TTLL3: variants seen among roughly 807,000 people sequenced by gnomAD.
TTLL3 encodes tubulin tyrosine ligase like 3.
Under a neutral mutation model 75.2 loss-of-function variants are expected in TTLL3, and 63 were observed. The ratio of observed to expected loss-of-function variants is 0.84; its 90% CI spans 0.68 to 1.03. The LOEUF (loss-of-function observed/expected upper bound fraction) is 1.03. TTLL3 is among the 50% of genes least tolerant of loss of function. The pLI is 0.00. For missense variants in TTLL3, 997 were observed against 1,069.9 expected (o/e 0.93, Z 0.95); for synonymous variants, 393 against 418.5 (o/e 0.94, Z 0.74).
intron 4 of TTLL3, among the ~76,000 whole-genome samples, chr3:9,815,366 A>G (rs942342675): frequency 6.6e-6 from 1 of 152,158 alleles, no homozygotes; most frequent in Non-Finnish European, 1.5e-5. Context: ...CCTCATCTGT[A>G]AAACAGAGAT....
At chr3:9,823,278 G>A (rs189787379) in intron 8 of TTLL3, among the ~76,000 whole-genome samples, 1,780 of 152,154 alleles carry the variant, frequency 0.012, 14 homozygotes, top group Non-Finnish European at 0.019. Context: ...TAGCTACTCG[G>A]GAGGCTGAGG....
rs201524752 is a variant in TTLL3 at position 9,818,845 on chromosome 3, C to T, written c.583C>T (p.Arg195Cys). 8.2e-5 allele frequency: 133 copies of T among 1,614,084 alleles called. No individual in the cohort carries two copies. In the African/African-American group the frequency reaches 1.2e-3, roughly 15 times the overall value. Residue 195 changes from arginine (R) to cysteine (C), a missense_variant, in exon 7 of 14, where the codon CGC (arginine) becomes TGC (cysteine). By Grantham distance (180) the Arg-to-Cys change is radical (BLOSUM62 -3). Transcript: ENST00000685419. The stretch of plus-strand genomic sequence containing the variant: ...AGAGGACTTCTGGCTGACTGCTGCC[C>T]GCAACGTTCTCAAGCTGGTGGTGAA... Reference protein sequence around the residue: ...FIEDFWLTAARNVLKLVVKSE... With the variant: ...FIEDFWLTAACNVLKLVVKSE...
intron 9 of TTLL3, among the ~76,000 whole-genome samples, chr3:9,826,725 CAAAAAAAAAAAAA>C (rs36060940): frequency 5.3e-5 from 4 of 75,240 alleles, no homozygotes; most frequent in Admixed American, 3.1e-4. Flanking sequence ...AGGGCTGTCT[CAAAAAAAAAAAAA>C]AAAAAAAAAA....
chr3:9,835,166 C>A lies in TTLL3; in HGVS notation c.2125C>A (p.Gln709Lys), dbSNP rs1257343157. The A allele has an allele frequency of 1.2e-6, 2 of 1,614,098 alleles. No individual in the cohort carries two copies. Among genetic ancestry groups the A allele is most frequent in the Middle Eastern group, 1.6e-4 (1 of 6,084 alleles). ...TTGCCTCTGCCCTTTGAAGTCGGAA[C>A]AATTCCTAGCACCTGTCGGAAGGTC... ...PCCLCPLKSE[Q>K]FLAPVGRSRP... The change falls in exon 14 of 14, where the codon CAA (glutamine) becomes AAA (lysine). Residue 709 changes from glutamine (Q) to lysine (K), a missense_variant. Physicochemically the swap from Gln to Lys is moderately conservative, Grantham distance 53 (BLOSUM62 1). Transcript: ENST00000685419.
intron 5 of TTLL3, 71 bp downstream of exon 5, chr3:9,816,273 G>C: frequency 7.8e-7 from 1 of 1,290,150 alleles, no homozygotes; most frequent in Non-Finnish European, 1.0e-6. Context: ...TCTCCTCCCT[G>C]CTCACCTTGT....
At position 9,810,386 on chromosome 3, in the gene TTLL3, C is replaced by T. The variant is rs1030977001; in HGVS notation, c.-50C>T. On this transcript the variant is annotated 5_prime_UTR_variant, in exon 1 of 14. Coordinates refer to ENST00000685419, the MANE Select transcript of TTLL3 (RefSeq NM_001387446.1). This position sits in a 1 kb window ranked among gnomAD's most constrained non-coding sequence, Gnocchi z 4.4. ...CACACCCCGGTCCTCGACCCCTCTC[C>T]GCAGGATGGTGAGGCCCGTGCGGCC... is the stretch of plus-strand genomic sequence containing the variant. 24 of 1,414,480 alleles carry T rather than the reference C, an allele frequency of 1.7e-5. No individual in the cohort carries two copies. Among genetic ancestry groups the T allele is most frequent in the Middle Eastern group, 2.6e-4 (1 of 3,874 alleles). The allele number at this position is 1,414,480 out of a possible 1,614,324, so 87.6% of individuals were successfully genotyped here. A position where few individuals can be genotyped will look rare whatever the true frequency, so the allele number is the denominator to read the frequency against.
chr3:9,817,082 G>C (rs1028041519), intron 5 of TTLL3, among the ~76,000 whole-genome samples: 1 of 152,062 alleles, frequency 6.6e-6, no homozygotes. Context: ...CAGAGTGCTG[G>C]GATTATAGGT....
In TTLL3 at chr3:9,833,239, G is replaced by C; in HGVS notation, c.1819G>C (p.Gly607Arg). Residue 607 changes from glycine (G) to arginine (R), a missense_variant, in exon 12 of 14, where the codon GGG becomes CGG. By Grantham distance (125) the Gly-to-Arg change is moderately radical. Coordinates refer to ENST00000685419, the MANE Select transcript of TTLL3 (RefSeq NM_001387446.1). ...AVPLLTQRGS[G>R]EARHHFPSLH... ...CCCTCTGCTGACCCAGCGAGGCTCT[G>C]GGGAAGGCAAGGACTCGGGGACCCC... The C allele has an allele frequency of 3.7e-6, 6 of 1,613,928 alleles. No homozygotes were observed. Among genetic ancestry groups the C allele is most frequent in the Non-Finnish European group, 5.1e-6 (6 of 1,179,932 alleles).
intron 9 of TTLL3, 121 bp downstream of exon 9, chr3:9,826,069 C>G (rs1171767918): frequency 2.8e-6 from 4 of 1,448,128 alleles, no homozygotes; most frequent in South Asian, 2.8e-5. Context: ...AGTCCTAGCT[C>G]TGCTACTAAT....
intron 5 of TTLL3, among the ~76,000 whole-genome samples, chr3:9,817,160 C>A (rs1243727939): frequency 6.6e-6 from 1 of 152,084 alleles, no homozygotes; most frequent in African/African-American, 2.4e-5. Context: ...CACAGTGGCT[C>A]ACGCCTGTAA....
chr3:9,819,211 G>C, intron 7 of TTLL3: 1 of 422,028 alleles, frequency 2.4e-6, no homozygotes, highest in Non-Finnish European at 4.4e-6. Flanking sequence ...TCATCTACCT[G>C]ATGTCAGCTC....
chr3:9,835,835 G>A lies in TTLL3; in HGVS notation c.*346G>A. 3.9e-6 allele frequency: 1 copy of A among 259,640 alleles called. No individual in the cohort carries two copies. The highest frequency in any genetic ancestry group is 7.3e-6 in the Non-Finnish European group (1 of 137,254). 16.1% of individuals were successfully genotyped at this position (259,640 alleles called of 1,614,324 possible). On this transcript the variant is annotated 3_prime_UTR_variant, in exon 14 of 14. Transcript: ENST00000685419. ...GCCTTGCCTAAACCTCAGCCCTTCT[G>A]CAGAGGGCATGGGTCTATCCCTTCT...
chr3:9,828,751 G>A (rs565775536), intron 10 of TTLL3: 19 of 646,412 alleles, frequency 2.9e-5, no homozygotes, highest in Non-Finnish European at 5.0e-5. Context: ...CGCCCTCAGA[G>A]CAGCCCTGAG....
chr3:9,819,191 A>G (rs1164752823), intron 7 of TTLL3: 8 of 503,944 alleles, frequency 1.6e-5, no homozygotes, highest in African/African-American at 9.7e-5. Flanking sequence ...CCCATTGTTA[A>G]TCTCGTCATT....
chr3:9,828,876 G>A, intron 10 of TTLL3, 84 bp from the exon 11 acceptor site: 1 of 1,557,462 alleles, frequency 6.4e-7, no homozygotes. Flanking sequence ...GCCCAGGGCT[G>A]CTTCCAGGAC....
intron 12 of TTLL3, among the ~76,000 whole-genome samples, chr3:9,833,532 C>T (rs1324865712): frequency 6.6e-6 from 1 of 152,144 alleles, no homozygotes; most frequent in Admixed American, 6.5e-5. Context: ...ACCCCCGGGC[C>T]CTGGGTAAGA....
intron 5 of TTLL3, 62 bp downstream of exon 5, chr3:9,816,264 C>G (rs956213793): frequency 7.7e-7 from 1 of 1,300,380 alleles, no homozygotes. Flanking sequence ...GCTGGCAGCT[C>G]TCCTCCCTGC....
At position 9,829,157 on chromosome 3, in the gene TTLL3, C is replaced by T. The variant is rs376474620; in HGVS notation, c.1445C>T (p.Ser482Phe). The part of the protein sequence containing the change: ...KDAVIHALQT[S>F]QDTVQCRKAS... ...GCTGTGATCCACGCACTTCAGACCT[C>T]CCAGGACACCGTGCAGTGTCGGAAG... Residue 482 changes from serine (S) to phenylalanine (F), a missense_variant, in exon 11 of 14, where the codon TCC (serine) becomes TTC (phenylalanine). Physicochemically the swap from Ser to Phe is radical, Grantham distance 155. Coordinates refer to ENST00000685419, the MANE Select transcript of TTLL3 (RefSeq NM_001387446.1). 1.2e-6 allele frequency: 2 copies of T among 1,614,118 alleles called. No homozygotes were observed. The highest frequency in any genetic ancestry group is 1.7e-6 in the Non-Finnish European group (2 of 1,180,044).
At position 9,834,163 on chromosome 3, in the gene TTLL3, A is replaced by C. The variant is rs112972275; in HGVS notation, c.1826-518A>C. 3.0e-3 allele frequency: 974 copies of C among 319,674 alleles called. 10 individuals are homozygous for C. The highest frequency in any genetic ancestry group is 0.019 in the African/African-American group (895 of 46,278). The allele number at this position is 319,674 out of a possible 1,614,324, so 19.8% of individuals were successfully genotyped here. A position where few individuals can be genotyped will look rare whatever the true frequency, so the allele number is the denominator to read the frequency against. The stretch of plus-strand genomic sequence containing the variant: ...AGCCAAATGAGTATTGTCTCCTCCA[A>C]AGTAGTCACTCTGCCTCACAGAGTG... On this transcript the variant is annotated intron_variant, in intron 12 of 13. Coordinates refer to ENST00000685419, the MANE Select transcript of TTLL3 (RefSeq NM_001387446.1).
Sources: gnomAD v4.1 joint callset for allele counts (sites outside exome capture counted in the v4.1 genomes callset) on GRCh38, gnomAD v4.1.1 for gene constraint, Gnocchi (gnomAD v3.1) non-coding constraint, MANE v1.5 for transcripts, NCBI Gene and HGNC (gene_info 2026-07-23, HGNC 2026-07-21) for gene names.